Variants in TNNT3 observed in about 807,000 individuals in gnomAD.
TNNT3 encodes troponin T3, fast skeletal type.
In TNNT3, 36 loss-of-function variants were observed where a neutral mutation model predicts 54.2. That is an observed-to-expected ratio of 0.66 (90% CI 0.51 to 0.88). TNNT3 has a LOEUF of 0.88. Ranked by LOEUF, TNNT3 falls within the 40% of genes least tolerant of loss-of-function variation. The pLI is 0.00. For synonymous variants in TNNT3, 120 were observed against 109.7 expected, an observed-to-expected ratio of 1.09 and a Z score of -0.59; for missense variants, 291 against 331.6, an observed-to-expected ratio of 0.88 and a Z score of 0.95.
chr11:1,920,941 G>A lies in TNNT3; in HGVS notation c.-19+1179G>A, dbSNP rs182796992. ...CCAGGCGCTCAGCAGAAAACCAGGT[G>A]CCTCAGTTTCCCCACTTGGAGAGTG... is the stretch of plus-strand genomic sequence containing the variant. On this transcript the variant is annotated intron_variant, in intron 1 of 15. Coordinates refer to ENST00000278317, the MANE Select transcript of TNNT3 (RefSeq NM_006757.4). 6.8e-3 allele frequency among the ~76,000 whole-genome samples: 1,031 copies of A among 152,290 alleles called. 9 individuals are homozygous for A. The highest frequency in any genetic ancestry group is 0.012 in the Admixed American group (189 of 15,302).
intron 1 of TNNT3, among the ~76,000 whole-genome samples, chr11:1,920,941 G>T (rs182796992): frequency 2.0e-5 from 3 of 152,172 alleles, no homozygotes; most frequent in Non-Finnish European, 2.9e-5. Context: ...AAAACCAGGT[G>T]CCTCAGTTTC....
chr11:1,936,272 C>T (rs1216956696), intron 14 of TNNT3: 24 of 1,613,376 alleles, frequency 1.5e-5, no homozygotes, highest in Non-Finnish European at 1.9e-5. Flanking sequence ...GCCGGGTCCG[C>T]CCTGGGCCAG....
chr11:1,932,456 G>A lies in TNNT3; in HGVS notation c.126-13G>A, dbSNP rs199922821. On this transcript the variant is annotated splice_polypyrimidine_tract_variant and intron_variant, in intron 8 of 15. Transcript: ENST00000278317. ...CGGGTCTCTGCTCACGGGCCTCTCT[G>A]TCTCCTCTTCAGACTCACTGCTCCT... 1.2e-6 allele frequency: 2 copies of A among 1,613,478 alleles called. No homozygotes were observed. The highest frequency in any genetic ancestry group is 1.7e-5 in the Admixed American group (1 of 60,004).
intron 1 of TNNT3, among the ~76,000 whole-genome samples, chr11:1,922,391 C>T (rs1394411141): frequency 6.6e-6 from 1 of 152,106 alleles, no homozygotes; most frequent in Non-Finnish European, 1.5e-5. Context: ...CAGGGGCTCC[C>T]AGGGAGACCC....
At position 1,933,957 on chromosome 11, in the gene TNNT3, G is replaced by A; in HGVS notation, c.315G>A (p.Glu105=). The change falls in exon 11 of 16, where the codon GAG becomes GAA. Residue 105 remains glutamate (E), a synonymous_variant. Coordinates refer to ENST00000278317, the MANE Select transcript of TNNT3 (RefSeq NM_006757.4). ...RIEKRRAERA[E]QQRIRAEKER... is the part of the protein sequence containing the mutation. ...AGAAGCGCCGTGCAGAGAGAGCGGA[G>A]CAGCAGAGGATTCGTGCAGAGAAGG... is the stretch of plus-strand genomic sequence containing the variant. 1 of 1,612,768 alleles carries A rather than the reference G, an allele frequency of 6.2e-7. No individual in the cohort carries two copies. The highest frequency in any genetic ancestry group is 8.5e-7 in the Non-Finnish European group (1 of 1,179,998).
intron 1 of TNNT3, 154 bp from the exon 2 acceptor site, chr11:1,922,703 G>T (rs1333308087): frequency 4.2e-6 from 3 of 714,222 alleles, no homozygotes; most frequent in Admixed American, 2.0e-5. Flanking sequence ...GGCCCAAGGA[G>T]GTGGACTCAC....
rs777804127 is a variant in TNNT3 at position 1,938,286 on chromosome 11, G to A, written c.723-152G>A. 146 of 836,292 alleles carry A rather than the reference G, an allele frequency of 1.7e-4. 1 individual carries two copies. Among genetic ancestry groups the A allele is most frequent in the African/African-American group, 1.2e-3 (74 of 59,774 alleles). 51.8% of individuals were successfully genotyped at this position (836,292 alleles called of 1,614,324 possible). A position where few individuals can be genotyped will look rare whatever the true frequency, so the allele number is the denominator to read the frequency against. On this transcript the variant is annotated intron_variant, in intron 15 of 15. Transcript: ENST00000278317. Reference sequence around the variant, plus strand: ...AGGCACAGGTGAGTGGGCACTGCCCGGACTGAAGCTGGGTGTGGGCCGCAA... The same window carrying A: ...AGGCACAGGTGAGTGGGCACTGCCCAGACTGAAGCTGGGTGTGGGCCGCAA...
At chr11:1,937,654 G>A (rs1208624240) in intron 15 of TNNT3, among the ~76,000 whole-genome samples, 2 of 152,196 alleles carry the variant, frequency 1.3e-5, no homozygotes, top group African/African-American at 4.8e-5. Flanking sequence ...GCAGTGTTTG[G>A]GGGCTACTTG....
At chr11:1,925,353 G>C in intron 5 of TNNT3, 1 of 1,512,160 alleles carries the variant, frequency 6.6e-7, no homozygotes, top group Non-Finnish European at 9.0e-7. Context: ...TGGGGGAGAG[G>C]GGGAGAGGGT....
chr11:1,932,424 G>A, intron 8 of TNNT3, 45 bp from the exon 9 acceptor site: 2 of 1,598,904 alleles, frequency 1.3e-6, no homozygotes, highest in Non-Finnish European at 1.7e-6. Flanking sequence ...CCTCTGGGGT[G>A]GGTCTCCGGG....
Position 1,929,769 on chromosome 11 carries a change from C to T in TNNT3, c.107-41C>T, listed in dbSNP as rs959767792. On this transcript the variant is annotated intron_variant, in intron 7 of 15. Transcript: ENST00000278317. ...CAGGCTGTCTCTCTCCCTCTCCCCA[C>T]GCTGGTGTCCCTCTCCCTACGCTGG... The T allele has an allele frequency of 1.3e-5, 20 of 1,551,490 alleles. No homozygotes were observed. In the African/African-American group the frequency reaches 1.6e-4, roughly 13 times the overall value.
intron 1 of TNNT3, among the ~76,000 whole-genome samples, chr11:1,920,165 C>A (rs61868806): frequency 6.6e-6 from 1 of 152,094 alleles, no homozygotes; most frequent in African/African-American, 2.4e-5. Context: ...AGCTTGTGGT[C>A]GCCATGCAGA....
At chr11:1,922,006 G>C (rs910161579) in intron 1 of TNNT3, among the ~76,000 whole-genome samples, 1 of 152,194 alleles carries the variant, frequency 6.6e-6, no homozygotes, top group African/African-American at 2.4e-5. Flanking sequence ...CAGATCCAGA[G>C]CATCCCCGGG....
chr11:1,937,798 C>A (rs1440523800), intron 15 of TNNT3, among the ~76,000 whole-genome samples: 1 of 152,206 alleles, frequency 6.6e-6, no homozygotes, highest in Non-Finnish European at 1.5e-5. Flanking sequence ...TCATTGCAGA[C>A]CCCTCTGAGG....
chr11:1,920,937 A>T (rs548904267), intron 1 of TNNT3, among the ~76,000 whole-genome samples: 1 of 152,166 alleles, frequency 6.6e-6, no homozygotes, highest in African/African-American at 2.4e-5. Flanking sequence ...GCAGAAAACC[A>T]GGTGCCTCAG....
intron 8 of TNNT3, among the ~76,000 whole-genome samples, chr11:1,930,652 A>G (rs1853107422): frequency 6.6e-6 from 1 of 152,104 alleles, no homozygotes; most frequent in Admixed American, 6.5e-5. Context: ...GGAATCTTAG[A>G]GCATCTTGAC....
intron 7 of TNNT3, 151 bp downstream of exon 7, chr11:1,929,294 C>A (rs544911271): frequency 4.8e-6 from 5 of 1,044,698 alleles, no homozygotes; most frequent in Non-Finnish European, 7.3e-6. Flanking sequence ...GAGGGCCAGG[C>A]CTTGCTGCTC....
intron 11 of TNNT3, 90 bp downstream of exon 11, chr11:1,934,098 G>C: frequency 7.1e-7 from 1 of 1,402,566 alleles, no homozygotes; most frequent in Non-Finnish European, 9.9e-7. Flanking sequence ...TTCTCCCGGG[G>C]TTCCCATTGT....
chr11:1,935,033 C>G, intron 14 of TNNT3, 114 bp downstream of exon 14: 1 of 989,336 alleles, frequency 1.0e-6, no homozygotes, highest in South Asian at 1.3e-5. Flanking sequence ...GGGACCTGGA[C>G]CCTGAGAGGC....
Sources: allele counts gnomAD v4.1 joint callset (sites outside exome capture counted in the v4.1 genomes callset), GRCh38; gene constraint gnomAD v4.1.1; transcripts MANE v1.5; gene names NCBI Gene and HGNC (gene_info 2026-07-23, HGNC 2026-07-21).